The following A2ML1 variants were observed in gnomAD, a reference collection of about 807,000 sequenced individuals.
The protein encoded by A2ML1 is alpha-2-macroglobulin-like protein 1.
A2ML1 carries 161 observed loss-of-function variants against 181.9 expected under a neutral mutation model. That is an observed-to-expected ratio of 0.89 (90% confidence interval 0.78 to 1.01). The LOEUF (loss-of-function observed/expected upper bound fraction) is 1.01, where lower values mean the gene tolerates loss of function less well. Ranked by LOEUF, A2ML1 falls within the 50% of genes least tolerant of loss-of-function variation. The pLI is 0.00. For synonymous variants in A2ML1, 663 were observed against 666.8 expected, an observed-to-expected ratio of 0.99 and a Z score of 0.09; for missense variants, 1,670 against 1,768.1, an observed-to-expected ratio of 0.94 and a Z score of 1.00.
chr12:8,829,298 A>C (rs999680232), intron 3 of A2ML1, among the ~76,000 whole-genome samples: 1 of 152,166 alleles, frequency 6.6e-6, no homozygotes, highest in African/African-American at 2.4e-5. Context: ...AGGTTTTGTA[A>C]AAAAGTAAAA....
chr12:8,880,057 G>C (rs1271967711), downstream of A2ML1, among the ~76,000 whole-genome samples: 2 of 152,100 alleles, frequency 1.3e-5, no homozygotes, highest in African/African-American at 4.8e-5. Flanking sequence ...AAAAATGATA[G>C]AAGAAAGCAC....
chr12:8,867,745 C>A, intron 29 of A2ML1, 97 bp from the exon 30 acceptor site: 1 of 1,078,674 alleles, frequency 9.3e-7, no homozygotes, highest in Admixed American at 1.9e-5. Flanking sequence ...TCATCCAAGC[C>A]AACTAACAAC....
Position 8,852,181 on chromosome 12 carries a change from A to G in A2ML1, c.2464-29A>G. 6.2e-7 allele frequency: 1 copy of G among 1,613,406 alleles called. No homozygotes were observed. On this transcript the variant is annotated intron_variant, in intron 19 of 35. Transcript: ENST00000299698. This position sits in a 1 kb window ranked among gnomAD's most constrained non-coding sequence, Gnocchi z 4.2. ...TCTATGCACTACCTCCTTTGTTTGT[A>G]CCCTTTGTCTCTTAAACATCCTCCG...
intron 3 of A2ML1, among the ~76,000 whole-genome samples, chr12:8,826,803 G>A (rs1942944552): frequency 6.6e-6 from 1 of 152,108 alleles, no homozygotes; most frequent in Non-Finnish European, 1.5e-5. Context: ...ATTTTTGGTA[G>A]AGATGGAGTT....
At chr12:8,857,718 GTTTA>G (rs1379390021) in intron 25 of A2ML1, 130 bp downstream of exon 25, 4 of 1,165,334 alleles carry the variant, frequency 3.4e-6, no homozygotes, top group Non-Finnish European at 4.9e-6. Context: ...CTTTAATACT[GTTTA>G]TTTCACCCTC....
At chr12:8,823,401 C>T (rs770659274) in intron 2 of A2ML1, 36 bp downstream of exon 2, 2 of 1,578,780 alleles carry the variant, frequency 1.3e-6, no homozygotes, top group Admixed American at 1.8e-5. Context: ...GAATCCCTTA[C>T]TTGCCTATTC....
At chr12:8,884,241 GTTTTGTTTTT>G (rs1325663406) in intron 7 of A2ML1, among the ~76,000 whole-genome samples, 6 of 108,970 alleles carry the variant, frequency 5.5e-5, no homozygotes, top group African/African-American at 1.5e-4. Flanking sequence ...GTTTTTTTTT[GTTTTGTTTTT>G]TTTTAACTAT....
intron 4 of A2ML1, chr12:8,830,910 C>T (rs1252844520): frequency 1.3e-5 from 2 of 148,852 alleles, no homozygotes; most frequent in Non-Finnish European, 1.5e-5. Context: ...TATGGCTTTT[C>T]TTTGGTAGGT....
Position 8,824,242 on chromosome 12 carries a change from T to G in A2ML1, c.409+360T>G, listed in dbSNP as rs750050888. On this transcript the variant is annotated intron_variant, in intron 3 of 35. Coordinates refer to ENST00000299698, the MANE Select transcript of A2ML1 (RefSeq NM_144670.6). Reference sequence around the variant, plus strand: ...CTGGGGTTTTTTTTTTTTTTTTTTTTTTTTTTTGTATTTGTTCATTCGTCC... The same window carrying G: ...CTGGGGTTTTTTTTTTTTTTTTTTTGTTTTTTTGTATTTGTTCATTCGTCC... Among the ~76,000 whole-genome samples the G allele has an allele frequency of 1.7e-3, 252 of 148,978 alleles. 6 individuals carry two copies. In the South Asian group the frequency reaches 0.025, roughly 15 times the overall value.
At chr12:8,850,120 C>A in intron 17 of A2ML1, 40 bp from the exon 18 acceptor site, 1 of 1,477,580 alleles carries the variant, frequency 6.8e-7, no homozygotes, top group Non-Finnish European at 9.3e-7. Context: ...AACAAGAAGT[C>A]TCCTGTTTCC....
In A2ML1 at chr12:8,854,244, G is replaced by T; in HGVS notation, c.2707G>T (p.Val903Phe). 2 of 1,596,724 alleles carry T rather than the reference G, an allele frequency of 1.3e-6. No homozygotes were observed. The highest frequency in any genetic ancestry group is 1.7e-6 in the Non-Finnish European group (2 of 1,172,060). The change falls in exon 21 of 36, where the codon GTC becomes TTC. Residue 903 changes from valine (V) to phenylalanine (F), a missense_variant. Coordinates refer to ENST00000299698, the MANE Select transcript of A2ML1 (RefSeq NM_144670.6). Reference sequence around the variant, plus strand: ...TGACACGCTCATCAAGCCAGTTCTCGTCAAAGTGAGTTTTCTTCAGAGGTA... The same window carrying T: ...TGACACGCTCATCAAGCCAGTTCTCTTCAAAGTGAGTTTTCTTCAGAGGTA... ...RSDTLIKPVL[V>F]KPEGVLVEKT...
chr12:8,838,667 C>T (rs1261882326), intron 9 of A2ML1, among the ~76,000 whole-genome samples: 3 of 152,024 alleles, frequency 2.0e-5, no homozygotes, highest in Non-Finnish European at 4.4e-5. Flanking sequence ...AATGCCAGCA[C>T]TTTGGGAGGC....
At chr12:8,853,118 C>T (rs983415323) in intron 20 of A2ML1, among the ~76,000 whole-genome samples, 7 of 152,104 alleles carry the variant, frequency 4.6e-5, no homozygotes, top group Admixed American at 2.0e-4. Flanking sequence ...CCTAGGCCTC[C>T]GGAGTAGCTG....
intron 10 of A2ML1, among the ~76,000 whole-genome samples, chr12:8,840,864 C>A (rs1206663758): frequency 6.7e-6 from 1 of 149,612 alleles, no homozygotes; most frequent in Admixed American, 6.7e-5. Context: ...CTGAGCTCGT[C>A]CCACTGCACT....
intron 33 of A2ML1, among the ~76,000 whole-genome samples, chr12:8,872,135 C>T (rs192628145): frequency 2.0e-5 from 3 of 150,682 alleles, no homozygotes; most frequent in Non-Finnish European, 2.9e-5. Context: ...GCCGAGATTG[C>T]GCCACTGCAC....
At chr12:8,833,766 C>T (rs1943190270) in intron 4 of A2ML1, among the ~76,000 whole-genome samples, 1 of 152,140 alleles carries the variant, frequency 6.6e-6, no homozygotes, top group African/African-American at 2.4e-5. Context: ...GTGATATTCT[C>T]CTCCTGATGT....
intron 20 of A2ML1, 76 bp from the exon 21 acceptor site, chr12:8,854,052 G>T (rs902110175): frequency 9.7e-6 from 14 of 1,445,762 alleles, no homozygotes; most frequent in African/African-American, 1.4e-5. Flanking sequence ...TTTCAGAAAT[G>T]CTGATCCAAA....
chr12:8,863,194 C>T (rs776024574), intron 28 of A2ML1, among the ~76,000 whole-genome samples: 5 of 151,876 alleles, frequency 3.3e-5, no homozygotes, highest in African/African-American at 4.8e-5. Flanking sequence ...GCAACCTCCA[C>T]CTCCCGGGTT....
At chr12:8,842,615 C>T (rs1344454) in intron 11 of A2ML1, among the ~76,000 whole-genome samples, 78,225 of 151,810 alleles carry the variant, frequency 0.52, 20,558 homozygotes, top group Middle Eastern at 0.66. Context: ...ATGCTGATCT[C>T]GGAGGGGGCG....
Sources: allele counts gnomAD v4.1 joint callset (sites outside exome capture counted in the v4.1 genomes callset), GRCh38; gene constraint gnomAD v4.1.1; non-coding constraint Gnocchi (gnomAD v3.1); transcripts MANE v1.5; gene names NCBI Gene and HGNC (gene_info 2026-07-23, HGNC 2026-07-21).